The following SATL1 variants were observed in gnomAD, a reference collection of about 807,000 sequenced individuals.
SATL1 encodes spermidine/spermine N(1)-acetyltransferase-like protein 1.
SATL1 carries 47 observed loss-of-function variants against 51.8 expected under a neutral mutation model. That is an observed-to-expected ratio of 0.91 (90% CI 0.72 to 1.16). SATL1 has a LOEUF of 1.16. Ranked by LOEUF, SATL1 falls within the 50% of genes most tolerant of loss-of-function variation. The pLI, the probability that SATL1 is intolerant of heterozygous loss-of-function variation, is 0.00. For missense variants in SATL1, 520 were observed against 526.4 expected (o/e 0.99, Z 0.12); for synonymous variants, 176 against 182.4 (o/e 0.97, Z 0.28).
chrX:85,164,541 A>T (rs956201537), intron 2 of SATL1, among the ~76,000 whole-genome samples: 1 of 110,541 alleles, frequency 9.0e-6, no homozygotes, highest in African/African-American at 3.3e-5. Context: ...TAATTATTTT[A>T]TTTAAGGAGG....
At chrX:85,144,680 T>A (rs902955447) in intron 2 of SATL1, among the ~76,000 whole-genome samples, 1 of 111,786 alleles carries the variant, frequency 8.9e-6, no homozygotes, top group African/African-American at 3.3e-5. Context: ...TGCAGCTATA[T>A]CCTGGGCAAA....
At chrX:85,199,680 GAC>G (rs1451134347) in intron 2 of SATL1, among the ~76,000 whole-genome samples, 9 of 111,959 alleles carry the variant, frequency 8.0e-5, no homozygotes. Flanking sequence ...GGCACAGAAA[GAC>G]AAACTTCACA....
chrX:85,200,499 T>C (rs1374119070), intron 2 of SATL1, among the ~76,000 whole-genome samples: 1 of 111,580 alleles, frequency 9.0e-6, no homozygotes, highest in African/African-American at 3.3e-5. Context: ...CTAAGGAACC[T>C]AAGGCTCCAA....
Position 85,118,087 on chromosome X carries a change from C to CTTTTTTTTTTTTTTTT in SATL1, c.-312-8823_-312-8808dup, listed in dbSNP as rs747093188. 3.0e-4 allele frequency among the ~76,000 whole-genome samples: 14 copies of CTTTTTTTTTTTTTTTT among 46,171 alleles called. 2 individuals are homozygous for CTTTTTTTTTTTTTTTT. Among genetic ancestry groups the CTTTTTTTTTTTTTTTT allele is most frequent in the East Asian group, 6.3e-4 (1 of 1,584 alleles). The allele number at this position is 46,171 out of a possible 115,157, so 40.1% of individuals were successfully genotyped here. Reference sequence around the variant, plus strand: ...TTTTGCAAATAAAAAAAGAACTTAGCTTTTTTTTTTTTTTTTCCAGAGTGC... The same window carrying CTTTTTTTTTTTTTTTT: ...TTTTGCAAATAAAAAAAGAACTTAGCTTTTTTTTTTTTTTTTTTTTTTTTTTTTTTTTCCAGAGTGC... On this transcript the variant is annotated intron_variant, in intron 2 of 7. Transcript: ENST00000644105.
At chrX:85,226,017 A>G (rs1250787748) in intron 1 of SATL1, among the ~76,000 whole-genome samples, 2 of 110,711 alleles carry the variant, frequency 1.8e-5, no homozygotes, top group African/African-American at 3.3e-5. Flanking sequence ...TACTAGAATT[A>G]TATAATTATG....
In SATL1 at chrX:85,092,530, T is replaced by G. The variant is rs757954678; in HGVS notation, c.1949A>C (p.His650Pro). Residue 650 changes from histidine to proline, a missense_variant, in exon 8 of 8, where the codon CAC becomes CCC. His to Pro is a moderately conservative substitution (Grantham distance 77). Around this residue, in one of 3 missense-constraint regions of SATL1, gnomAD observed 488 missense variants for 474.3 expected, o/e 1.03. Transcript: ENST00000644105. ...CTGGTTCCAAATGACGACAAGAAAGTGCATGCAGTTACATTGAGTTGTGAT... is the reference window on the plus strand; with the variant it reads ...CTGGTTCCAAATGACGACAAGAAAGGGCATGCAGTTACATTGAGTTGTGAT... The part of the protein sequence containing the change: ...IAITTQCNCM[H>P]FLVVIWNQAS... The G allele has an allele frequency of 1.7e-6, 2 of 1,209,755 alleles. No individual in the cohort carries two copies. Among genetic ancestry groups the G allele is most frequent in the East Asian group, 5.9e-5 (2 of 33,819 alleles).
chrX:85,153,060 C>T (rs776454647), intron 2 of SATL1, among the ~76,000 whole-genome samples: 3 of 110,460 alleles, frequency 2.7e-5, no homozygotes, highest in African/African-American at 9.9e-5. Flanking sequence ...GTATATGCAT[C>T]AGAGAACCAC....
At chrX:85,116,711 G>A (rs1397092917) in intron 2 of SATL1, among the ~76,000 whole-genome samples, 3 of 110,845 alleles carry the variant, frequency 2.7e-5, no homozygotes, top group Non-Finnish European at 5.7e-5. Flanking sequence ...CCTGATGGTC[G>A]CCTGACATTC....
intron 2 of SATL1, among the ~76,000 whole-genome samples, chrX:85,144,312 G>A (rs1033114288): frequency 9.0e-6 from 1 of 111,626 alleles, no homozygotes; most frequent in African/African-American, 3.3e-5. Context: ...TTATGTAGTA[G>A]AATCAGTGTG....
At chrX:85,196,686 C>T (rs773515698) in intron 2 of SATL1, among the ~76,000 whole-genome samples, 14 of 111,342 alleles carry the variant, frequency 1.3e-4, no homozygotes, top group African/African-American at 3.6e-4. Flanking sequence ...AAAATAAACC[C>T]TCACATTTAT....
chrX:85,098,548 A>G (rs895643681), intron 4 of SATL1, among the ~76,000 whole-genome samples: 62 of 112,168 alleles, frequency 5.5e-4, no homozygotes, highest in South Asian at 7.4e-4. Flanking sequence ...TTTAGGATAG[A>G]TACATTAGGT....
intron 2 of SATL1, among the ~76,000 whole-genome samples, chrX:85,111,145 T>C (rs972115460): frequency 8.8e-6 from 1 of 113,064 alleles, no homozygotes; most frequent in Non-Finnish European, 1.9e-5. Flanking sequence ...ATGAAGTTTG[T>C]CTTTTACTTT....
rs1387607583 is a variant in SATL1 at position 85,103,850 on chromosome X, A to G, written c.1693+14T>C. On this transcript the variant is annotated intron_variant, in intron 4 of 7. Transcript: ENST00000644105. ...TTCTTTTTCTTGCTCTGAAAATACC[A>G]CAAAACACCTTACCAGCTGCTGTTA... 6 of 1,161,858 alleles carry G rather than the reference A, an allele frequency of 5.2e-6. No homozygotes were observed. Among genetic ancestry groups the G allele is most frequent in the Middle Eastern group, 2.4e-4 (1 of 4,235 alleles).
chrX:85,149,330 C>T (rs1198783225), intron 2 of SATL1, among the ~76,000 whole-genome samples: 5 of 111,167 alleles, frequency 4.5e-5, no homozygotes, highest in Non-Finnish European at 9.4e-5. Flanking sequence ...CCTGAGTGAC[C>T]TACAAAGAGT....
Position 85,118,087 on chromosome X carries a change from C to CTTTTT in SATL1, c.-312-8812_-312-8808dup, listed in dbSNP as rs747093188. 3.9e-4 allele frequency among the ~76,000 whole-genome samples: 18 copies of CTTTTT among 46,171 alleles called. 4 individuals carry two copies. Among genetic ancestry groups the CTTTTT allele is most frequent in the East Asian group, 1.3e-3 (2 of 1,584 alleles). 40.1% of individuals were successfully genotyped at this position (46,171 alleles called of 115,157 possible). A position where few individuals can be genotyped will look rare whatever the true frequency, so the allele number is the denominator to read the frequency against. ...TTTTGCAAATAAAAAAAGAACTTAG[C>CTTTTT]TTTTTTTTTTTTTTTTCCAGAGTGC... On this transcript the variant is annotated intron_variant, in intron 2 of 7. Transcript: ENST00000644105.
chrX:85,120,171 T>C (rs1207138319), intron 2 of SATL1, among the ~76,000 whole-genome samples: 3 of 111,410 alleles, frequency 2.7e-5, no homozygotes, highest in Non-Finnish European at 5.7e-5. Context: ...AGCTTGTCTC[T>C]CCACAGTATG....
intron 4 of SATL1, among the ~76,000 whole-genome samples, chrX:85,098,269 CA>C (rs1480087007): frequency 2.7e-5 from 3 of 111,281 alleles, no homozygotes; most frequent in Non-Finnish European, 5.7e-5. Context: ...GTTAATTCAC[CA>C]AGAACATAGC....
intron 2 of SATL1, among the ~76,000 whole-genome samples, chrX:85,182,415 A>G (rs1375712851): frequency 2.7e-5 from 3 of 111,907 alleles, no homozygotes; most frequent in Admixed American, 9.5e-5. Context: ...CAGGAATGAC[A>G]GGATTTCATT....
At chrX:85,161,853 A>G (rs752134661) in intron 2 of SATL1, among the ~76,000 whole-genome samples, 51 of 111,448 alleles carry the variant, frequency 4.6e-4, no homozygotes, top group Non-Finnish European at 7.9e-4. Context: ...AAACTAACAG[A>G]ATATATATTT....
Sources: allele counts gnomAD v4.1 joint callset (sites outside exome capture counted in the v4.1 genomes callset), GRCh38; gene constraint gnomAD v4.1.1; regional missense constraint gnomAD v4.1.1; transcripts MANE v1.5; gene names NCBI Gene and HGNC (gene_info 2026-07-23, HGNC 2026-07-21).